The following ADAM29 variants were observed in gnomAD, a reference collection of about 807,000 sequenced individuals.
The protein encoded by ADAM29 is disintegrin and metalloproteinase domain-containing protein 29.
For synonymous variants in ADAM29, 367 were observed against 342.3 expected (o/e 1.07, Z -0.80); for missense variants, 969 against 1,001.8 (o/e 0.97, Z 0.44).
At chr4:174,919,988 T>C (rs1323481434) in intron 1 of ADAM29, among the ~76,000 whole-genome samples, 1 of 152,206 alleles carries the variant, frequency 6.6e-6, no homozygotes, top group African/African-American at 2.4e-5. Context: ...AACCAAATCT[T>C]TGTTAATCAA....
At chr4:174,957,712 C>T (rs1475107915) in intron 4 of ADAM29, among the ~76,000 whole-genome samples, 2 of 151,652 alleles carry the variant, frequency 1.3e-5, no homozygotes, top group Admixed American at 6.6e-5. Flanking sequence ...TTTTCTTACA[C>T]TCCTTATGAG....
At chr4:174,932,839 G>A (rs1743977071) in intron 3 of ADAM29, among the ~76,000 whole-genome samples, 1 of 152,268 alleles carries the variant, frequency 6.6e-6, no homozygotes. Flanking sequence ...CCACAGTATG[G>A]AACGATGAAA....
chr4:174,944,100 CA>C lies in ADAM29; in HGVS notation c.-181+7088del, dbSNP rs1296992511. ...TTGTTAAATATAAAATTATAATTAA[CA>C]GTTATAAATAATGTGGAATCAAAAA... On this transcript the variant is annotated intron_variant, in intron 4 of 4. Coordinates refer to ENST00000359240, the MANE Select transcript of ADAM29 (RefSeq NM_014269.4). Among the ~76,000 whole-genome samples, 3 of 151,386 alleles carry C rather than the reference CA, an allele frequency of 2.0e-5. No individual in the cohort carries two copies. In the East Asian group the frequency reaches 5.8e-4, roughly 29 times the overall value.
intron 4 of ADAM29, among the ~76,000 whole-genome samples, chr4:174,974,688 A>G (rs113104295): frequency 1.5e-4 from 23 of 152,342 alleles, no homozygotes; most frequent in African/African-American, 5.5e-4. Flanking sequence ...ATTATTTATT[A>G]CATAAAGAAT....
At chr4:174,956,494 CTGTG>C (rs147629496) in intron 4 of ADAM29, among the ~76,000 whole-genome samples, 4 of 148,966 alleles carry the variant, frequency 2.7e-5, no homozygotes, top group Admixed American at 2.7e-4. Flanking sequence ...GTGTGTGTGT[CTGTG>C]TGTGTGTGTT....
intron 4 of ADAM29, among the ~76,000 whole-genome samples, chr4:174,942,681 G>A (rs983431063): frequency 2.0e-5 from 3 of 152,162 alleles, no homozygotes; most frequent in African/African-American, 7.2e-5. Flanking sequence ...TGTGATGGGA[G>A]GGGCTGCTGT....
At chr4:174,943,552 A>G (rs1744666449) in intron 4 of ADAM29, among the ~76,000 whole-genome samples, 1 of 152,138 alleles carries the variant, frequency 6.6e-6, no homozygotes, top group African/African-American at 2.4e-5. Context: ...GCTTTCCATC[A>G]ACCATCAGGT....
intron 2 of ADAM29, among the ~76,000 whole-genome samples, chr4:174,930,132 G>A (rs1285409538): frequency 2.6e-5 from 4 of 152,058 alleles, no homozygotes; most frequent in Non-Finnish European, 5.9e-5. Context: ...GTTTCACCAT[G>A]TTAGCCAGGA....
At chr4:174,957,865 T>C (rs998919050) in intron 4 of ADAM29, among the ~76,000 whole-genome samples, 10 of 151,876 alleles carry the variant, frequency 6.6e-5, no homozygotes, top group African/African-American at 1.7e-4. Context: ...TTCTGTATAA[T>C]ATTTTGAAAA....
chr4:174,939,198 C>T (rs1409089457), intron 4 of ADAM29, among the ~76,000 whole-genome samples: 1 of 152,106 alleles, frequency 6.6e-6, no homozygotes, highest in East Asian at 1.9e-4. Flanking sequence ...TGGGAGCCAC[C>T]ATCCAATCCA....
At chr4:174,959,340 T>C (rs10001087) in intron 4 of ADAM29, among the ~76,000 whole-genome samples, 2,937 of 152,000 alleles carry the variant, frequency 0.019, 98 homozygotes, top group African/African-American at 0.067. Flanking sequence ...AATTCTAAAC[T>C]TAATTCTTCT....
intron 4 of ADAM29, among the ~76,000 whole-genome samples, chr4:174,947,908 T>A (rs567741647): frequency 1.3e-5 from 2 of 152,344 alleles, no homozygotes; most frequent in South Asian, 2.1e-4. Context: ...CAGAGCTAAT[T>A]TGGAGAACTA....
chr4:174,937,837 A>T (rs183074514), intron 4 of ADAM29, among the ~76,000 whole-genome samples: 93 of 152,236 alleles, frequency 6.1e-4, no homozygotes, highest in Non-Finnish European at 1.0e-3. Context: ...TGCCTGCCAC[A>T]CCACTTGAAT....
intron 3 of ADAM29, among the ~76,000 whole-genome samples, chr4:174,931,839 C>T (rs1743898549): frequency 2.0e-5 from 3 of 151,708 alleles, no homozygotes; most frequent in Admixed American, 1.3e-4. Context: ...CACACACAAG[C>T]ACACATACAC....
rs1254141188 is a variant in ADAM29 at position 174,976,319 on chromosome 4, C to A, written c.794C>A (p.Ser265Tyr). 5 of 1,612,198 alleles carry A rather than the reference C, an allele frequency of 3.1e-6. No homozygotes were observed. Among genetic ancestry groups the A allele is most frequent in the Non-Finnish European group, 4.2e-6 (5 of 1,179,456 alleles). Reference sequence around the variant, plus strand: ...ATTGTAGTAGATGATGTAAGGAAATCTGTGCACCTGTATTGCAAGTGGAAG... The same window carrying A: ...ATTGTAGTAGATGATGTAAGGAAATATGTGCACCTGTATTGCAAGTGGAAG... The part of the protein sequence containing the change: ...NLIVVDDVRK[S>Y]VHLYCKWKSE... Residue 265 changes from serine to tyrosine, a missense_variant, in exon 5 of 5, where the codon TCT becomes TAT. Transcript: ENST00000359240.
At chr4:174,927,637 GT>G (rs1312357470) in intron 2 of ADAM29, among the ~76,000 whole-genome samples, 3 of 152,150 alleles carry the variant, frequency 2.0e-5, no homozygotes, top group Non-Finnish European at 4.4e-5. Flanking sequence ...AGTTTTGTCT[GT>G]TGATCTTGTA....
chr4:174,938,828 C>T (rs548356744), intron 4 of ADAM29, among the ~76,000 whole-genome samples: 1 of 152,106 alleles, frequency 6.6e-6, no homozygotes, highest in Non-Finnish European at 1.5e-5. Flanking sequence ...GTCCAAAATC[C>T]AGGTGTCGGC....
chr4:174,929,754 TC>T (rs1363683218), intron 2 of ADAM29, among the ~76,000 whole-genome samples: 1 of 83,058 alleles, frequency 1.2e-5, no homozygotes, highest in Non-Finnish European at 2.3e-5. Flanking sequence ...CATCTCTCTC[TC>T]TTTTTTTTTT....
intron 4 of ADAM29, among the ~76,000 whole-genome samples, chr4:174,969,962 G>T (rs376138710): frequency 6.6e-6 from 1 of 151,944 alleles, no homozygotes; most frequent in African/African-American, 2.4e-5. Flanking sequence ...GCAGTGTGGG[G>T]CTTGATTTAT....
Sources: gnomAD v4.1 joint callset for allele counts (sites outside exome capture counted in the v4.1 genomes callset) on GRCh38, gnomAD v4.1.1 for gene constraint, MANE v1.5 for transcripts, NCBI Gene and HGNC (gene_info 2026-07-23, HGNC 2026-07-21) for gene names.